The following RBFOX1 variants were observed in gnomAD, a reference collection of about 807,000 sequenced individuals.
RBFOX1 encodes the protein RNA binding fox-1 homolog 1.
Under a neutral mutation model 57.7 loss-of-function variants are expected in RBFOX1, and 8 were observed. The ratio of observed to expected loss-of-function variants is 0.14; its 90% CI spans 0.08 to 0.25. RBFOX1 has a LOEUF of 0.25. Ranked by LOEUF, RBFOX1 falls within the 10% of genes least tolerant of loss-of-function variation. RBFOX1 has a pLI of 1.00. For synonymous variants in RBFOX1, 326 were observed against 222.4 expected, an observed-to-expected ratio of 1.47 and a Z score of -4.15; for missense variants, 611 against 548.5, an observed-to-expected ratio of 1.11 and a Z score of -1.14.
At chr16:7,513,203 C>T (rs1048860280) in intron 4 of RBFOX1, among the ~76,000 whole-genome samples, 14 of 151,998 alleles carry the variant, frequency 9.2e-5, no homozygotes, top group Admixed American at 2.6e-4. Flanking sequence ...GCGGAGGTTG[C>T]AGTGAGCCGA....
At chr16:5,686,267 GTGGGGTTA>G (rs1277267556) in intron 3 of RBFOX1, among the ~76,000 whole-genome samples, 1 of 152,196 alleles carries the variant, frequency 6.6e-6, no homozygotes, top group Non-Finnish European at 1.5e-5. Context: ...ACTGGGCACT[GTGGGGTTA>G]TGGAGGATGT....
At chr16:7,622,991 G>C (rs1157033696) in intron 10 of RBFOX1, among the ~76,000 whole-genome samples, 1 of 152,108 alleles carries the variant, frequency 6.6e-6, no homozygotes. Flanking sequence ...TCGGGCTTTG[G>C]GTAAATTTTG....
chr16:5,405,535 G>C (rs1300243488), intron 1 of RBFOX1, among the ~76,000 whole-genome samples: 1 of 152,146 alleles, frequency 6.6e-6, no homozygotes, highest in Non-Finnish European at 1.5e-5. Flanking sequence ...CCAGTCTCAG[G>C]TATGTCTTTA....
intron 4 of RBFOX1, among the ~76,000 whole-genome samples, chr16:5,927,128 C>T (rs1219912845): frequency 6.6e-6 from 1 of 152,156 alleles, no homozygotes; most frequent in East Asian, 1.9e-4. Context: ...TTTTGACTGA[C>T]ATTTATTTTA....
intron 4 of RBFOX1, among the ~76,000 whole-genome samples, chr16:7,174,951 G>A (rs1234784961): frequency 6.6e-6 from 1 of 152,140 alleles, no homozygotes; most frequent in Non-Finnish European, 1.5e-5. Context: ...GTGGGTATGT[G>A]GTGATATCTC....
chr16:5,584,739 C>G lies in RBFOX1; in HGVS notation c.259-14163C>G, dbSNP rs376510974. ...ACTTTAGATGGAAGTTCTCATTGCACCGGGGACTGTAGTTCTGTTACTGCT... is the reference window on the plus strand; with the variant it reads ...ACTTTAGATGGAAGTTCTCATTGCAGCGGGGACTGTAGTTCTGTTACTGCT... On this transcript the variant is annotated intron_variant, in intron 2 of 2. Coordinates refer to the RBFOX1 transcript ENST00000585867. Among the ~76,000 whole-genome samples the G allele has an allele frequency of 3.3e-5, 5 of 152,168 alleles. No homozygotes were observed. The South Asian group carries it at 1.0e-3, about 32-fold the overall frequency.
intron 1 of RBFOX1, among the ~76,000 whole-genome samples, chr16:5,261,785 C>T (rs1365092969): frequency 2.6e-5 from 4 of 152,096 alleles, no homozygotes; most frequent in African/African-American, 4.8e-5. Flanking sequence ...CTCCTGACCT[C>T]GTGATCCGCT....
At chr16:7,049,140 A>G (rs1457870351) in intron 3 of RBFOX1, among the ~76,000 whole-genome samples, 1 of 152,200 alleles carries the variant, frequency 6.6e-6, no homozygotes, top group African/African-American at 2.4e-5. Flanking sequence ...GGGATCCTCA[A>G]AGTAATATTT....
intron 3 of RBFOX1, among the ~76,000 whole-genome samples, chr16:6,676,674 T>G (rs1468388100): frequency 1.4e-3 from 36 of 26,426 alleles, no homozygotes; most frequent in African/African-American, 3.0e-3. Flanking sequence ...TTTTCTTTTC[T>G]TTTTTTTTTT....
At chr16:6,236,685 G>T (rs150646462) in intron 1 of RBFOX1, among the ~76,000 whole-genome samples, 3 of 151,950 alleles carry the variant, frequency 2.0e-5, no homozygotes, top group African/African-American at 7.3e-5. Context: ...TCCTGAGCTC[G>T]GATGATCCAC....
chr16:7,664,768 C>A, intron 12 of RBFOX1, 161 bp from the exon 13 acceptor site: 1 of 1,303,036 alleles, frequency 7.7e-7, no homozygotes, highest in Non-Finnish European at 1.1e-6. Flanking sequence ...GTTTGCTCAA[C>A]TGCCGTTGTC....
chr16:6,023,509 G>A (rs980197713), intron 1 of RBFOX1, among the ~76,000 whole-genome samples: 5 of 152,070 alleles, frequency 3.3e-5, no homozygotes, highest in African/African-American at 4.8e-5. Flanking sequence ...AGACCATTTC[G>A]TTTGCATCCT....
At chr16:5,807,481 T>C (rs2151767323) in intron 3 of RBFOX1, among the ~76,000 whole-genome samples, 1 of 152,322 alleles carries the variant, frequency 6.6e-6, no homozygotes. Context: ...ACTATTAAAA[T>C]GGGTCATTAC....
At chr16:7,419,448 G>GCAAC (rs1407292224) in intron 4 of RBFOX1, among the ~76,000 whole-genome samples, 1 of 152,224 alleles carries the variant, frequency 6.6e-6, no homozygotes, top group Non-Finnish European at 1.5e-5. Flanking sequence ...TTGGCGCAAT[G>GCAAC]CAACCGGCAC....
At chr16:7,412,165 C>T (rs890552730) in intron 4 of RBFOX1, among the ~76,000 whole-genome samples, 9 of 152,046 alleles carry the variant, frequency 5.9e-5, no homozygotes, top group Non-Finnish European at 8.8e-5. Context: ...TGGACACCGT[C>T]GCTCACGGCT....
rs146458334 is a variant in RBFOX1, at chr16:6,727,022, G to A, written c.-16+72372G>A. Reference sequence around the variant, plus strand: ...AGAAATAATGACATACGATGAGAGCGCCTCATGACCTTCAGGTATTTGGAC... The same window carrying A: ...AGAAATAATGACATACGATGAGAGCACCTCATGACCTTCAGGTATTTGGAC... On this transcript the variant is annotated intron_variant, in intron 3 of 15. Transcript: ENST00000550418. Among the ~76,000 whole-genome samples the A allele has an allele frequency of 5.1e-5, 7 of 136,168 alleles. No homozygotes were observed. The East Asian group carries it at 1.2e-3, about 24-fold the overall frequency. The allele number at this position is 136,168 out of a possible 152,430, so 89.3% of individuals were successfully genotyped here.
intron 2 of RBFOX1, among the ~76,000 whole-genome samples, chr16:6,469,829 G>T (rs542587738): frequency 3.3e-5 from 5 of 152,290 alleles, no homozygotes; most frequent in Middle Eastern, 6.8e-3. Flanking sequence ...CTAAGTGGGA[G>T]TTAGGAATCC....
chr16:6,124,388 A>G (rs1255774245), intron 1 of RBFOX1, among the ~76,000 whole-genome samples: 1 of 152,120 alleles, frequency 6.6e-6, no homozygotes, highest in Admixed American at 6.6e-5. Context: ...TTTGTATTGT[A>G]GGATTTGATT....
chr16:6,754,506 C>T (rs2075466203), intron 3 of RBFOX1, among the ~76,000 whole-genome samples: 2 of 152,150 alleles, frequency 1.3e-5, no homozygotes, highest in South Asian at 2.1e-4. Context: ...AAAATTGAAG[C>T]ACTCTTCGGG....
Sources: gnomAD v4.1 joint callset for allele counts (sites outside exome capture counted in the v4.1 genomes callset) on GRCh38, gnomAD v4.1.1 for gene constraint, MANE v1.5 for transcripts, NCBI Gene and HGNC (gene_info 2026-07-23, HGNC 2026-07-21) for gene names.